RNLS: variants seen among roughly 807,000 people sequenced by gnomAD.
The protein encoded by RNLS is renalase.
Under a neutral mutation model 39.8 loss-of-function variants are expected in RNLS, and 39 were observed. The ratio of observed to expected loss-of-function variants is 0.98; its 90% CI spans 0.76 to 1.28. The LOEUF (loss-of-function observed/expected upper bound fraction) is 1.28. Ranked by LOEUF, RNLS falls within the 50% of genes most tolerant of loss-of-function variation. RNLS has a pLI of 0.00. For missense variants in RNLS, 410 were observed against 413.3 expected, an observed-to-expected ratio of 0.99 and a Z score of 0.07; for synonymous variants, 147 against 150.7, an observed-to-expected ratio of 0.98 and a Z score of 0.18.
chr10:88,203,007 T>C, the RNLS span, among the ~76,000 whole-genome samples: 1 of 151,992 alleles, frequency 6.6e-6, no homozygotes, highest in Non-Finnish European at 1.5e-5. Context: ...TTTGGCTTTC[T>C]CTGTCATTTC....
At chr10:88,281,668 C>G (rs1232936459), downstream of RNLS, among the ~76,000 whole-genome samples, 1 of 152,136 alleles carries the variant, frequency 6.6e-6, no homozygotes, top group South Asian at 2.1e-4. Context: ...TAAATTCTTG[C>G]ATCACTTTCG....
intron 6 of RNLS, among the ~76,000 whole-genome samples, chr10:88,285,846 C>T (rs1292007823): frequency 1.3e-5 from 2 of 152,134 alleles, no homozygotes; most frequent in South Asian, 2.1e-4. Flanking sequence ...TCCTAACCCC[C>T]GAGGTGATGA....
At chr10:88,406,768 A>C (rs1227398825) in intron 4 of RNLS, among the ~76,000 whole-genome samples, 2 of 152,116 alleles carry the variant, frequency 1.3e-5, no homozygotes, top group African/African-American at 2.4e-5. Context: ...TGTTTATAGC[A>C]GCACAATTCA....
intron 4 of RNLS, among the ~76,000 whole-genome samples, chr10:88,471,934 T>A (rs1400780826): frequency 6.6e-6 from 1 of 150,794 alleles, no homozygotes; most frequent in Non-Finnish European, 1.5e-5. Context: ...GATTCCAGCC[T>A]CCCCCTACCT....
At chr10:88,386,844 GTATT>G (rs1188729117) in intron 4 of RNLS, among the ~76,000 whole-genome samples, 2 of 152,134 alleles carry the variant, frequency 1.3e-5, no homozygotes, top group Non-Finnish European at 2.9e-5. Context: ...TAACCACAAT[GTATT>G]TATCATCTTC....
At chr10:88,186,394 C>T in the RNLS span, among the ~76,000 whole-genome samples, 9 of 152,122 alleles carry the variant, frequency 5.9e-5, no homozygotes, top group Admixed American at 1.3e-4. Context: ...AGTACTCATG[C>T]CTCACCATTC....
At chr10:88,217,925 A>T in the RNLS span, among the ~76,000 whole-genome samples, 1 of 152,158 alleles carries the variant, frequency 6.6e-6, no homozygotes, top group African/African-American at 2.4e-5. Context: ...CTGTAATCCC[A>T]GCTACTCAGC....
intron 6 of RNLS, among the ~76,000 whole-genome samples, chr10:88,303,096 G>A (rs1442294787): frequency 1.3e-5 from 2 of 152,246 alleles, no homozygotes; most frequent in African/African-American, 4.8e-5. Context: ...GAATGGGTAA[G>A]TTAAACTGGC....
the RNLS span, among the ~76,000 whole-genome samples, chr10:88,192,124 G>A: frequency 6.6e-6 from 1 of 152,020 alleles, no homozygotes; most frequent in African/African-American, 2.4e-5. Flanking sequence ...CTTTGTCAGG[G>A]CAGCCCCTCT....
intron 4 of RNLS, among the ~76,000 whole-genome samples, chr10:88,459,325 A>G (rs2133930660): frequency 6.6e-6 from 1 of 152,242 alleles, no homozygotes; most frequent in African/African-American, 2.4e-5. Flanking sequence ...TGGTGTGCAC[A>G]GTGATTAGGT....
the RNLS span, among the ~76,000 whole-genome samples, chr10:88,251,173 G>A: frequency 6.6e-6 from 1 of 152,176 alleles, no homozygotes. Context: ...GCAGAATGAT[G>A]CCTCTAACTT....
chr10:88,516,236 A>C (rs1026338691), intron 4 of RNLS, among the ~76,000 whole-genome samples: 2 of 152,084 alleles, frequency 1.3e-5, no homozygotes, highest in African/African-American at 4.8e-5. Context: ...ATAGAAGGAA[A>C]AATGGTTGGA....
intron 4 of RNLS, among the ~76,000 whole-genome samples, chr10:88,547,999 C>T (rs1042727329): frequency 2.0e-4 from 30 of 152,018 alleles, no homozygotes; most frequent in African/African-American, 5.1e-4. Flanking sequence ...CAGTGGCTCA[C>T]GCCTGTAATC....
the RNLS span, among the ~76,000 whole-genome samples, chr10:88,251,719 C>T: frequency 1.3e-4 from 20 of 152,242 alleles, no homozygotes; most frequent in Non-Finnish European, 2.2e-4. Context: ...GCTGGAATGA[C>T]ACATTTTAGT....
chr10:88,272,997 G>A (rs1458402711), downstream of RNLS, among the ~76,000 whole-genome samples: 2 of 152,098 alleles, frequency 1.3e-5, no homozygotes, highest in South Asian at 2.1e-4. Flanking sequence ...ATCCTCCCTC[G>A]GGTGATGCTG....
At chr10:88,532,532 C>A (rs1339409785) in intron 4 of RNLS, among the ~76,000 whole-genome samples, 1 of 151,934 alleles carries the variant, frequency 6.6e-6, no homozygotes, top group East Asian at 1.9e-4. Context: ...ACTTATTAAC[C>A]TTTTACTATG....
the RNLS span, among the ~76,000 whole-genome samples, chr10:88,225,607 G>A: frequency 6.6e-6 from 1 of 152,066 alleles, no homozygotes; most frequent in Admixed American, 6.6e-5. Context: ...CCAGCTACTG[G>A]GGAGGCTGAA....
At chr10:88,575,676 A>G (rs991628861) in intron 3 of RNLS, among the ~76,000 whole-genome samples, 1 of 152,104 alleles carries the variant, frequency 6.6e-6, no homozygotes, top group Admixed American at 6.6e-5. Flanking sequence ...ATGTGTTTAA[A>G]TCTATAAGCT....
At chr10:88,200,034 T>C in the RNLS span, among the ~76,000 whole-genome samples, 6 of 152,088 alleles carry the variant, frequency 3.9e-5, no homozygotes, top group Non-Finnish European at 8.8e-5. Flanking sequence ...GAGGCTGAGG[T>C]GGGCCAATTA....
Sources: allele counts gnomAD v4.1 joint callset (sites outside exome capture counted in the v4.1 genomes callset), GRCh38; gene constraint gnomAD v4.1.1; transcripts MANE v1.5; gene names NCBI Gene and HGNC (gene_info 2026-07-23, HGNC 2026-07-21).